RUNDC3B: variants seen among roughly 807,000 people sequenced by gnomAD.
The protein encoded by RUNDC3B is RUN domain containing 3B.
A neutral mutation model predicts 58.4 loss-of-function variants in RUNDC3B; 33 were observed. That is an observed-to-expected ratio of 0.56 (90% confidence interval 0.43 to 0.75). The LOEUF (loss-of-function observed/expected upper bound fraction) is 0.75, where lower values mean the gene tolerates loss of function less well. RUNDC3B is among the 30% of genes least tolerant of loss of function. RUNDC3B has a pLI of 0.00. For missense variants in RUNDC3B, 501 were observed against 535.7 expected, an observed-to-expected ratio of 0.94 and a Z score of 0.64; for synonymous variants, 193 against 195.2, an observed-to-expected ratio of 0.99 and a Z score of 0.10.
chr7:87,673,599 C>T (rs1180589722), intron 2 of RUNDC3B, among the ~76,000 whole-genome samples: 2 of 152,274 alleles, frequency 1.3e-5, no homozygotes, highest in African/African-American at 4.8e-5. Context: ...TTCGATATTT[C>T]GGCTTCTGTA....
At chr7:87,719,686 G>A (rs531330733) in intron 4 of RUNDC3B, among the ~76,000 whole-genome samples, 31 of 151,854 alleles carry the variant, frequency 2.0e-4, no homozygotes, top group Admixed American at 5.9e-4. Context: ...ATAAACTTTA[G>A]TTTATGATAA....
At chr7:87,629,227 G>A (rs2130169368) in intron 1 of RUNDC3B, 1 of 335,794 alleles carries the variant, frequency 3.0e-6, no homozygotes. Flanking sequence ...GCAATCTAGC[G>A]TCAGAGTGAA....
intron 6 of RUNDC3B, among the ~76,000 whole-genome samples, chr7:87,745,230 T>C (rs527411868): frequency 6.6e-6 from 1 of 152,206 alleles, no homozygotes; most frequent in Non-Finnish European, 1.5e-5. Context: ...AGTATTTTGT[T>C]AAGGATTTTA....
At chr7:87,808,240 CCT>C (rs767672717) in intron 9 of RUNDC3B, among the ~76,000 whole-genome samples, 3 of 151,660 alleles carry the variant, frequency 2.0e-5, no homozygotes, top group East Asian at 3.9e-4. Flanking sequence ...TTCCCTTCCC[CCT>C]CTTTCTCTCT....
chr7:87,689,478 T>G (rs1395674712), intron 2 of RUNDC3B, among the ~76,000 whole-genome samples: 1 of 152,144 alleles, frequency 6.6e-6, no homozygotes, highest in African/African-American at 2.4e-5. Flanking sequence ...AATTCAACAA[T>G]TTTGCTTTAT....
chr7:87,720,590 ATTTTCTTTTTTT>A (rs1830823656), intron 4 of RUNDC3B, among the ~76,000 whole-genome samples: 1 of 142,934 alleles, frequency 7.0e-6, no homozygotes, highest in Admixed American at 7.0e-5. Flanking sequence ...AATAATTATA[ATTTTCTTTTTTT>A]TTTTCTTTTC....
At chr7:87,826,077 A>C (rs1406477955) in intron 10 of RUNDC3B, among the ~76,000 whole-genome samples, 3 of 152,162 alleles carry the variant, frequency 2.0e-5, no homozygotes, top group African/African-American at 7.2e-5. Flanking sequence ...AGGCATGATT[A>C]GTTTTGAAAT....
intron 8 of RUNDC3B, among the ~76,000 whole-genome samples, chr7:87,778,456 AG>A (rs1261999629): frequency 4.0e-5 from 6 of 151,616 alleles, no homozygotes; most frequent in African/African-American, 1.2e-4. Flanking sequence ...AAAAAAAAAA[AG>A]GAATAAGAAT....
intron 2 of RUNDC3B, among the ~76,000 whole-genome samples, chr7:87,697,817 C>T (rs1196204452): frequency 1.3e-5 from 2 of 152,088 alleles, no homozygotes; most frequent in Non-Finnish European, 2.9e-5. Context: ...TAAAGTGAAC[C>T]TAAGTCATTT....
In RUNDC3B at chr7:87,816,270, A is replaced by C. The variant is rs1837026427; in HGVS notation, c.1225+8A>C. The C allele has an allele frequency of 6.2e-7, 1 of 1,602,894 alleles. No individual in the cohort carries two copies. The highest frequency in any genetic ancestry group is 8.5e-7 in the Non-Finnish European group (1 of 1,174,694). ...TAAATGTAATGAGTGAAGGTAAGAA[A>C]ACAAAGAACTATTTGAAAATTACTC... is the stretch of plus-strand genomic sequence containing the variant. On this transcript the variant is annotated splice_region_variant and intron_variant, in intron 10 of 10. Coordinates refer to ENST00000394654, the MANE Select transcript of RUNDC3B (RefSeq NM_001134405.2).
At chr7:87,781,677 A>C (rs1834932293) in intron 8 of RUNDC3B, among the ~76,000 whole-genome samples, 1 of 151,996 alleles carries the variant, frequency 6.6e-6, no homozygotes, top group Admixed American at 6.6e-5. Context: ...TAGTTTTTTG[A>C]GGGTTTTTAT....
At chr7:87,674,886 C>T (rs1189730129) in intron 2 of RUNDC3B, among the ~76,000 whole-genome samples, 3 of 152,150 alleles carry the variant, frequency 2.0e-5, no homozygotes, top group African/African-American at 7.2e-5. Flanking sequence ...AGGCTAAAGG[C>T]TCCCACAGGA....
intron 4 of RUNDC3B, among the ~76,000 whole-genome samples, chr7:87,720,817 G>A (rs1201728545): frequency 4.2e-5 from 6 of 143,004 alleles, no homozygotes; most frequent in Non-Finnish European, 7.7e-5. Flanking sequence ...AGTCAGGATG[G>A]TCTCGATCTC....
chr7:87,645,896 T>A (rs971317020), intron 1 of RUNDC3B, among the ~76,000 whole-genome samples: 1 of 152,142 alleles, frequency 6.6e-6, no homozygotes, highest in Non-Finnish European at 1.5e-5. Flanking sequence ...TTGGGTTGTG[T>A]TGGAGGGAGG....
At chr7:87,715,956 TATC>T (rs1323869186) in intron 4 of RUNDC3B, among the ~76,000 whole-genome samples, 5 of 152,198 alleles carry the variant, frequency 3.3e-5, no homozygotes, top group South Asian at 2.1e-4. Context: ...AGACAGGAAT[TATC>T]ATTAAAATAC....
At chr7:87,774,681 A>C (rs1834519156) in intron 7 of RUNDC3B, among the ~76,000 whole-genome samples, 1 of 152,202 alleles carries the variant, frequency 6.6e-6, no homozygotes, top group African/African-American at 2.4e-5. Context: ...AAAGTAGTTT[A>C]AAATCTTTCC....
intron 8 of RUNDC3B, among the ~76,000 whole-genome samples, chr7:87,784,167 C>A (rs1306043675): frequency 6.6e-6 from 1 of 152,148 alleles, no homozygotes; most frequent in South Asian, 2.1e-4. Context: ...TGGATTTCAA[C>A]TTTCTTTTCA....
At chr7:87,722,632 G>A (rs1830970891) in intron 4 of RUNDC3B, among the ~76,000 whole-genome samples, 1 of 152,132 alleles carries the variant, frequency 6.6e-6, no homozygotes. Flanking sequence ...ACGAGTTGGG[G>A]CATCTCTTAT....
chr7:87,741,834 A>G (rs1832342419), intron 6 of RUNDC3B, among the ~76,000 whole-genome samples: 1 of 151,560 alleles, frequency 6.6e-6, no homozygotes, highest in Non-Finnish European at 1.5e-5. Flanking sequence ...ATTTATTCAT[A>G]TTGCTGTAGT....
Sources: allele counts gnomAD v4.1 joint callset (sites outside exome capture counted in the v4.1 genomes callset), GRCh38; gene constraint gnomAD v4.1.1; transcripts MANE v1.5; gene names NCBI Gene and HGNC (gene_info 2026-07-23, HGNC 2026-07-21).